RARB: variants seen among roughly 807,000 people sequenced by gnomAD.
RARB encodes HBV-activated protein.
RARB carries 17 observed loss-of-function variants against 51.9 expected under a neutral mutation model. The observed-to-expected ratio is 0.33, with a 90% confidence interval of 0.22 to 0.49. RARB has a LOEUF of 0.49. Among genes scored for constraint, RARB ranks in the 20% least tolerant of loss-of-function variants. The probability of loss-of-function intolerance (pLI) is 0.99; values close to 1 mark genes in which losing one functional copy is unlikely to be tolerated. For missense variants in RARB, 369 were observed against 550.8 expected, an observed-to-expected ratio of 0.67 and a Z score of 3.30; for synonymous variants, 215 against 195.4, an observed-to-expected ratio of 1.10 and a Z score of -0.84.
intron 2 of RARB, among the ~76,000 whole-genome samples, chr3:25,053,376 G>T (rs1698375109): frequency 6.6e-6 from 1 of 152,036 alleles, no homozygotes; most frequent in Admixed American, 6.6e-5. Flanking sequence ...GTAAGAATTG[G>T]GTTCCGTTTA....
At chr3:25,473,990 T>C (rs1219610609) in intron 2 of RARB, among the ~76,000 whole-genome samples, 1 of 151,634 alleles carries the variant, frequency 6.6e-6, no homozygotes, top group Non-Finnish European at 1.5e-5. Context: ...TCTCAGGTTC[T>C]GTGAGCCTTA....
chr3:25,527,021 T>A (rs13099641), intron 3 of RARB, among the ~76,000 whole-genome samples: 18,584 of 152,232 alleles, frequency 0.12, 1,232 homozygotes, highest in Middle Eastern at 0.22. Context: ...ATTACTACTT[T>A]ATTCAGTGTC....
chr3:24,900,223 T>G (rs1703573302), intron 2 of RARB, among the ~76,000 whole-genome samples: 1 of 152,154 alleles, frequency 6.6e-6, no homozygotes, highest in Non-Finnish European at 1.5e-5. Context: ...GCAGCGTGTG[T>G]AACTCCTTCC....
intron 5 of RARB, among the ~76,000 whole-genome samples, chr3:25,347,720 G>A (rs1449494323): frequency 2.6e-5 from 4 of 152,180 alleles, no homozygotes; most frequent in Admixed American, 2.6e-4. Flanking sequence ...CAGTTTTCAG[G>A]ATTTGTATTT....
intron 5 of RARB, among the ~76,000 whole-genome samples, chr3:25,258,747 C>T (rs1254700979): frequency 2.0e-5 from 3 of 152,058 alleles, no homozygotes; most frequent in African/African-American, 7.2e-5. Flanking sequence ...TTTATGCTAC[C>T]TCATAACACA....
intron 3 of RARB, among the ~76,000 whole-genome samples, chr3:25,094,193 G>T (rs1451331735): frequency 6.6e-6 from 1 of 152,094 alleles, no homozygotes; most frequent in East Asian, 1.9e-4. Context: ...CATATAGAAG[G>T]TCTATTCAAT....
intron 2 of RARB, among the ~76,000 whole-genome samples, chr3:24,967,565 T>A (rs1040158203): frequency 1.3e-5 from 2 of 152,164 alleles, no homozygotes; most frequent in Admixed American, 6.5e-5. Context: ...GAGAATGAAC[T>A]GGTTGACTGA....
intron 3 of RARB, among the ~76,000 whole-genome samples, chr3:25,506,973 AG>A (rs1215910561): frequency 6.6e-6 from 1 of 152,226 alleles, no homozygotes; most frequent in Non-Finnish European, 1.5e-5. Flanking sequence ...GAACCCCAGG[AG>A]CCTGATGAAA....
intron 4 of RARB, among the ~76,000 whole-genome samples, chr3:25,156,172 G>A (rs1436256): frequency 0.1 from 15,972 of 152,176 alleles, 1,149 homozygotes; most frequent in Non-Finnish European, 0.16. Flanking sequence ...GAAGAATGTC[G>A]TCTGATACTG....
Position 25,421,403 on chromosome 3 carries a change from C to CTTTTTTTTTTTTTTT in RARB, c.179-39776_179-39762dup, listed in dbSNP as rs766378555. On this transcript the variant is annotated intron_variant, in intron 5 of 11. Transcript: ENST00000383772. ...TTGCACTAACATTTTTTCTTCTTTT[C>CTTTTTTTTTTTTTTT]TTTTTTTTTTTTTTTTTTTTTTTTT... Among the ~76,000 whole-genome samples, 15 of 72,360 alleles carry CTTTTTTTTTTTTTTT rather than the reference C, an allele frequency of 2.1e-4. 1 individual carries two copies. The highest frequency in any genetic ancestry group is 4.5e-4 in the African/African-American group (7 of 15,500). 47.5% of individuals were successfully genotyped at this position (72,360 alleles called of 152,430 possible). A position where few individuals can be genotyped will look rare whatever the true frequency, so the allele number is the denominator to read the frequency against.
Position 25,267,333 on chromosome 3 carries a change from G to A in RARB, c.178+92758G>A, listed in dbSNP as rs577724154. Among the ~76,000 whole-genome samples the A allele has an allele frequency of 3.9e-5, 6 of 152,328 alleles. No individual in the cohort carries two copies. The East Asian group carries it at 1.2e-3, about 29-fold the overall frequency. ...AGCAGACAATGGAAAGCCTTTAAAT[G>A]TTAAAGCAGTGAAGGCCTCTCTTAG... is the stretch of plus-strand genomic sequence containing the variant. On this transcript the variant is annotated intron_variant, in intron 5 of 11. Coordinates refer to the RARB transcript ENST00000383772.
intron 2 of RARB, among the ~76,000 whole-genome samples, chr3:24,946,004 G>A (rs1223210207): frequency 2.6e-5 from 4 of 152,096 alleles, no homozygotes; most frequent in African/African-American, 4.8e-5. Flanking sequence ...GGTGGCTCAC[G>A]CCTGTAATCG....
chr3:25,104,841 C>T (rs1699467799), intron 3 of RARB, among the ~76,000 whole-genome samples: 2 of 152,172 alleles, frequency 1.3e-5, no homozygotes, highest in African/African-American at 2.4e-5. Flanking sequence ...ATAGTACATA[C>T]TGTTTGATAC....
intron 2 of RARB, among the ~76,000 whole-genome samples, chr3:25,003,062 T>C (rs553935498): frequency 2.0e-5 from 3 of 152,264 alleles, no homozygotes; most frequent in South Asian, 4.1e-4. Context: ...CGGTCACTTC[T>C]GAATTTTTGG....
At chr3:25,438,366 G>A (rs1362657279) in intron 1 of RARB, among the ~76,000 whole-genome samples, 1 of 152,132 alleles carries the variant, frequency 6.6e-6, no homozygotes, top group Admixed American at 6.5e-5. Context: ...GGGAGAGAAA[G>A]GCAAAGAATG....
chr3:25,269,895 C>T (rs1703213954), intron 5 of RARB, among the ~76,000 whole-genome samples: 1 of 152,048 alleles, frequency 6.6e-6, no homozygotes, highest in Non-Finnish European at 1.5e-5. Flanking sequence ...GGTCATTAAG[C>T]ATACGAAAAG....
chr3:25,486,483 C>T (rs979989288), intron 2 of RARB, among the ~76,000 whole-genome samples: 1 of 152,184 alleles, frequency 6.6e-6, no homozygotes, highest in East Asian at 1.9e-4. Context: ...AGTCACTCTC[C>T]CATGCAACCT....
chr3:25,064,168 T>G (rs1698611428), intron 3 of RARB, among the ~76,000 whole-genome samples: 1 of 152,042 alleles, frequency 6.6e-6, no homozygotes, highest in Non-Finnish European at 1.5e-5. Context: ...AGCATCCACT[T>G]TAGGATATGA....
chr3:25,183,076 A>G (rs1348849544), intron 5 of RARB, among the ~76,000 whole-genome samples: 2 of 152,168 alleles, frequency 1.3e-5, no homozygotes, highest in African/African-American at 4.8e-5. Flanking sequence ...ATTTTGTGAC[A>G]GCAACTCTAG....
Sources: allele counts gnomAD v4.1 joint callset (sites outside exome capture counted in the v4.1 genomes callset), GRCh38; gene constraint gnomAD v4.1.1; transcripts MANE v1.5; gene names NCBI Gene and HGNC (gene_info 2026-07-23, HGNC 2026-07-21).